ELAVL4: variants seen among roughly 807,000 people sequenced by gnomAD.
The protein encoded by ELAVL4 is ELAV like RNA binding protein 4, also known as ELAV-like protein 4.
ELAVL4 carries 1 observed loss-of-function variant against 35.6 expected under a neutral mutation model. The ratio of observed to expected loss-of-function variants is 0.03; its 90% CI spans 0.01 to 0.13. The LOEUF (loss-of-function observed/expected upper bound fraction) is 0.13. Ranked by LOEUF, ELAVL4 falls within the 10% of genes least tolerant of loss-of-function variation. The probability of loss-of-function intolerance (pLI) is 1.00; values close to 1 mark genes in which losing one functional copy is unlikely to be tolerated. For synonymous variants in ELAVL4, 156 were observed against 171.0 expected (o/e 0.91, Z 0.69); for missense variants, 267 against 464.9 (o/e 0.57, Z 3.91).
chr1:50,085,969 T>C (rs550279374), intron 1 of ELAVL4, among the ~76,000 whole-genome samples: 7 of 152,316 alleles, frequency 4.6e-5, no homozygotes, highest in Admixed American at 2.0e-4. Context: ...TGTTCACCAG[T>C]TGTAAGTCCT....
At chr1:50,068,686 T>C (rs1664377708) in intron 1 of ELAVL4, among the ~76,000 whole-genome samples, 1 of 152,228 alleles carries the variant, frequency 6.6e-6, no homozygotes, top group African/African-American at 2.4e-5. Context: ...TAGTAGGTGA[T>C]TAAGAACTGA....
chr1:50,144,642 G>T (rs1673370080), intron 1 of ELAVL4: 3 of 533,052 alleles, frequency 5.6e-6, no homozygotes, highest in Non-Finnish European at 1.1e-5. Flanking sequence ...AATTTGGTGT[G>T]GCTTAAGTAT....
At chr1:50,109,766 T>C (rs1666746077) in intron 1 of ELAVL4, 2 of 681,876 alleles carry the variant, frequency 2.9e-6, no homozygotes, top group Admixed American at 5.2e-5. Flanking sequence ...AAGAGTTTCC[T>C]GTCATGACCT....
chr1:50,091,050 G>A (rs538646021), intron 1 of ELAVL4, among the ~76,000 whole-genome samples: 72 of 152,274 alleles, frequency 4.7e-4, no homozygotes, highest in African/African-American at 1.7e-3. Context: ...GAATGCAGAG[G>A]ACCTTTCTAT....
chr1:50,107,260 A>G (rs2148521904), upstream of ELAVL4, among the ~76,000 whole-genome samples: 1 of 152,364 alleles, frequency 6.6e-6, no homozygotes, highest in South Asian at 2.1e-4. Context: ...AAATTACTTT[A>G]AAAGTTTACT....
chr1:50,131,886 T>TAA (rs201687977), intron 1 of ELAVL4, among the ~76,000 whole-genome samples: 3 of 134,968 alleles, frequency 2.2e-5, no homozygotes, highest in Admixed American at 7.5e-5. Flanking sequence ...AATTTATGTT[T>TAA]AAAAAAAAAA....
intron 1 of ELAVL4, among the ~76,000 whole-genome samples, chr1:50,056,675 G>A (rs191277782): frequency 1.3e-5 from 2 of 152,230 alleles, no homozygotes; most frequent in East Asian, 1.9e-4. Context: ...GGTGGCTCAC[G>A]CCTGTAATCC....
intron 2 of ELAVL4, among the ~76,000 whole-genome samples, chr1:50,165,960 C>T (rs1342152146): frequency 5.3e-5 from 8 of 151,786 alleles, no homozygotes; most frequent in Middle Eastern, 3.4e-3. Context: ...ACTTGGAGTC[C>T]GATGTTCAAG....
At chr1:50,099,950 G>A (rs1156429050), upstream of ELAVL4, among the ~76,000 whole-genome samples, 1 of 152,202 alleles carries the variant, frequency 6.6e-6, no homozygotes, top group African/African-American at 2.4e-5. Flanking sequence ...AGAAGTCAAA[G>A]ACATTATTTT....
intron 1 of ELAVL4, among the ~76,000 whole-genome samples, chr1:50,075,459 T>A (rs1353158163): frequency 6.6e-6 from 1 of 152,196 alleles, no homozygotes; most frequent in Admixed American, 6.5e-5. Flanking sequence ...TCTGTCCTCT[T>A]TGTAGAAGAG....
At chr1:50,108,322 G>A (rs960812130), upstream of ELAVL4, among the ~76,000 whole-genome samples, 1 of 152,018 alleles carries the variant, frequency 6.6e-6, no homozygotes, top group Non-Finnish European at 1.5e-5. Context: ...TCCCCAACTT[G>A]CTTGCTTTTG....
chr1:50,144,704 C>A, intron 1 of ELAVL4: 1 of 670,836 alleles, frequency 1.5e-6, no homozygotes, highest in Non-Finnish European at 2.7e-6. Flanking sequence ...TTTTCATTAA[C>A]AAAATAATGG....
chr1:50,077,665 T>TA (rs1489729324), intron 1 of ELAVL4, among the ~76,000 whole-genome samples: 1 of 152,228 alleles, frequency 6.6e-6, no homozygotes, highest in East Asian at 1.9e-4. Context: ...CTATCATACT[T>TA]ACCCTGCTTG....
intron 2 of ELAVL4, among the ~76,000 whole-genome samples, chr1:50,165,289 C>T (rs1022391702): frequency 2.0e-5 from 3 of 152,044 alleles, no homozygotes; most frequent in African/African-American, 7.3e-5. Flanking sequence ...TTTTCTCTAA[C>T]AGAAGTGACT....
intron 2 of ELAVL4, among the ~76,000 whole-genome samples, chr1:50,169,075 G>A (rs778945603): frequency 1.8e-4 from 28 of 152,008 alleles, no homozygotes; most frequent in Non-Finnish European, 3.5e-4. Flanking sequence ...TGAGGAGCAA[G>A]GAGAGCCAGT....
intron 3 of ELAVL4, chr1:50,180,282 T>A (rs566454963): frequency 6.6e-6 from 1 of 152,336 alleles, no homozygotes; most frequent in South Asian, 2.1e-4. Flanking sequence ...TGAAACTTTT[T>A]GAGCACCTAC....
At chr1:50,158,715 A>G (rs1388270337) in intron 2 of ELAVL4, among the ~76,000 whole-genome samples, 2 of 152,286 alleles carry the variant, frequency 1.3e-5, no homozygotes, top group South Asian at 2.1e-4. Flanking sequence ...AAGCCAAATC[A>G]TAGACTGTCA....
intron 4 of ELAVL4, among the ~76,000 whole-genome samples, chr1:50,194,682 A>T (rs548231804): frequency 6.6e-6 from 1 of 152,254 alleles, no homozygotes; most frequent in Non-Finnish European, 1.5e-5. Flanking sequence ...CCCTTACAGG[A>T]CTCCAGTGTG....
At chr1:50,091,370 A>G (rs544234216) in intron 1 of ELAVL4, among the ~76,000 whole-genome samples, 16 of 152,330 alleles carry the variant, frequency 1.1e-4, no homozygotes, top group Admixed American at 9.2e-4. Context: ...GCTGGGACCA[A>G]TAATGAGGCT....
Sources: allele counts gnomAD v4.1 joint callset (sites outside exome capture counted in the v4.1 genomes callset), GRCh38; gene constraint gnomAD v4.1.1; transcripts MANE v1.5; gene names NCBI Gene and HGNC (gene_info 2026-07-23, HGNC 2026-07-21).